Variants in GTF3C3 observed in about 807,000 individuals in gnomAD.
The protein encoded by GTF3C3 is general transcription factor IIIC subunit 3.
GTF3C3 carries 75 observed loss-of-function variants against 105.2 expected under a neutral mutation model. The observed-to-expected ratio is 0.71, with a 90% CI of 0.59 to 0.86. The LOEUF (loss-of-function observed/expected upper bound fraction) is 0.86, where lower values mean the gene tolerates loss of function less well. Ranked by LOEUF, GTF3C3 falls within the 40% of genes least tolerant of loss-of-function variation. The pLI is 0.00. For missense variants in GTF3C3, 856 were observed against 1,076.5 expected (o/e 0.80, Z 2.87); for synonymous variants, 335 against 370.4 (o/e 0.90, Z 1.10).
intron 2 of GTF3C3, among the ~76,000 whole-genome samples, chr2:196,796,534 C>T (rs1427672396): frequency 1.3e-5 from 2 of 152,184 alleles, no homozygotes; most frequent in Non-Finnish European, 2.9e-5. Flanking sequence ...TTCAGGAGTA[C>T]ATGTGCAGGA....
Position 196,789,368 on chromosome 2 carries a change from A to G in GTF3C3, c.729T>C (p.Ala243=). The G allele has an allele frequency of 1.9e-6, 3 of 1,578,570 alleles. No homozygotes were observed. The highest frequency in any genetic ancestry group is 2.6e-6 in the Non-Finnish European group (3 of 1,162,342). The change falls in exon 6 of 18, where the codon GCT becomes GCC. Residue 243 remains alanine, a splice_region_variant and synonymous_variant. Coordinates refer to ENST00000263956, the MANE Select transcript of GTF3C3 (RefSeq NM_012086.5). ...GGACATTAGTAGGTTCATATTTAAG[A>G]GCTAAAAAGAAAGAAATACAAATTA... ...IKQAIFCYTK[A]LKYEPTNVRY...
rs769914255 is a variant in GTF3C3, at chr2:196,781,342, G to GAAAAAAAAAAAAAAAAAAAAAAAA, written c.1115-681_1115-680insTTTTTTTTTTTTTTTTTTTTTTTT. Among the ~76,000 whole-genome samples the GAAAAAAAAAAAAAAAAAAAAAAAA allele has an allele frequency of 1.3e-4, 4 of 31,454 alleles. 1 individual carries two copies. Among genetic ancestry groups the GAAAAAAAAAAAAAAAAAAAAAAAA allele is most frequent in the African/African-American group, 2.4e-4 (2 of 8,348 alleles). 20.6% of individuals were successfully genotyped at this position (31,454 alleles called of 152,430 possible). ...AACTGCAGATCAAAAATGTTAAGGG[G>GAAAAAAAAAAAAAAAAAAAAAAAA]AAAAAAAAAAAAAAAATATATATAT... On this transcript the variant is annotated intron_variant, in intron 8 of 17. Transcript: ENST00000263956.
chr2:196,767,858 A>C (rs1699095427), intron 16 of GTF3C3, among the ~76,000 whole-genome samples: 1 of 152,270 alleles, frequency 6.6e-6, no homozygotes, highest in Non-Finnish European at 1.5e-5. Flanking sequence ...ACAATAATGG[A>C]ATAACTTGCT....
intron 2 of GTF3C3, among the ~76,000 whole-genome samples, chr2:196,795,040 T>C (rs1699617304): frequency 6.7e-6 from 1 of 148,914 alleles, no homozygotes; most frequent in East Asian, 2.0e-4. Flanking sequence ...TTTTTTTGTT[T>C]TGTTTTGTTT....
intron 8 of GTF3C3, among the ~76,000 whole-genome samples, chr2:196,781,353 A>ATATAT (rs1376220822): frequency 1.5e-3 from 35 of 23,120 alleles, no homozygotes; most frequent in South Asian, 3.4e-3. Context: ...AAAAAAAAAA[A>ATATAT]AAAAATATAT....
At chr2:196,777,801 G>T (rs1219319363) in intron 10 of GTF3C3, 1 of 152,068 alleles carries the variant, frequency 6.6e-6, no homozygotes, top group Non-Finnish European at 1.5e-5. Flanking sequence ...GGCTCAAAAT[G>T]GAAACAGCAT....
intron 2 of GTF3C3, among the ~76,000 whole-genome samples, chr2:196,794,748 T>G (rs558733523): frequency 6.0e-4 from 89 of 148,320 alleles, no homozygotes; most frequent in Non-Finnish European, 1.1e-3. Context: ...AACTCTTTTT[T>G]TTTTGAGAGG....
chr2:196,795,008 C>G (rs192233400), intron 2 of GTF3C3, among the ~76,000 whole-genome samples: 6 of 151,900 alleles, frequency 3.9e-5, no homozygotes, highest in Non-Finnish European at 8.8e-5. Context: ...GGATTACATG[C>G]GTAAGCTATC....
intron 6 of GTF3C3, among the ~76,000 whole-genome samples, chr2:196,787,135 G>A (rs1233212227): frequency 2.0e-5 from 3 of 148,920 alleles, no homozygotes; most frequent in Admixed American, 1.3e-4. Context: ...AGAAAATCTT[G>A]AGAGCTCAGC....
In GTF3C3 at chr2:196,764,425, T is replaced by C; in HGVS notation, c.*138A>G. ...TATACCACAAGATCATTATCACATA[T>C]TAAAAATAAATACACTGTTTGTTAG... On this transcript the variant is annotated 3_prime_UTR_variant, in exon 18 of 18. Coordinates refer to ENST00000263956, the MANE Select transcript of GTF3C3 (RefSeq NM_012086.5). The C allele has an allele frequency of 1.3e-6, 1 of 783,856 alleles. No homozygotes were observed. Among genetic ancestry groups the C allele is most frequent in the Non-Finnish European group, 1.9e-6 (1 of 521,108 alleles). 48.6% of individuals were successfully genotyped at this position (783,856 alleles called of 1,614,324 possible).
chr2:196,770,015 G>A lies in GTF3C3; in HGVS notation c.2285C>T (p.Thr762Ile), dbSNP rs368867791. ...GCTATAGAGAGGTTCGTCAGGGTGA[G>A]TGCGAAAGGCTTGCACATACTGTCC... ...ALGQYVQAFR[T>I]HPDEPLYSFC... is the part of the protein sequence containing the mutation. Residue 762 changes from threonine (T) to isoleucine (I), a missense_variant, in exon 16 of 18, where the codon ACT (threonine) becomes ATT (isoleucine). Thr to Ile is a moderately conservative substitution (Grantham distance 89). Around this residue, in one of 3 missense-constraint regions of GTF3C3, gnomAD observed 605 missense variants for 833.6 expected, o/e 0.73. Coordinates refer to ENST00000263956, the MANE Select transcript of GTF3C3 (RefSeq NM_012086.5). 6 of 1,567,670 alleles carry A rather than the reference G, an allele frequency of 3.8e-6. No individual in the cohort carries two copies. Among genetic ancestry groups the A allele is most frequent in the Non-Finnish European group, 5.2e-6 (6 of 1,163,350 alleles).
At chr2:196,784,760 C>T in intron 8 of GTF3C3, 97 bp downstream of exon 8, 1 of 1,372,436 alleles carries the variant, frequency 7.3e-7, no homozygotes. Flanking sequence ...CATTAACTAT[C>T]AACTCACCAC....
At position 196,793,096 on chromosome 2, in the gene GTF3C3, C is replaced by G. The variant is rs1267181063; in HGVS notation, c.271G>C (p.Gly91Arg). The change falls in exon 3 of 18, where the codon GGA becomes CGA. Residue 91 changes from glycine to arginine, a missense_variant. Coordinates refer to ENST00000263956, the MANE Select transcript of GTF3C3 (RefSeq NM_012086.5). The part of the protein sequence containing the change: ...SVHKVFASML[G>R]ENEDDEEEEE... ...TCCTCCTCATCATCTTCATTCTCTCCAAGCATGGAAGCAAAGACCTTGTGA... is the reference window on the plus strand; with the variant it reads ...TCCTCCTCATCATCTTCATTCTCTCGAAGCATGGAAGCAAAGACCTTGTGA... 6.2e-7 allele frequency: 1 copy of G among 1,613,886 alleles called. No homozygotes were observed. The highest frequency in any genetic ancestry group is 1.7e-5 in the Admixed American group (1 of 60,020).
intron 14 of GTF3C3, 47 bp from the exon 15 acceptor site, chr2:196,771,985 T>G: frequency 7.5e-7 from 1 of 1,333,752 alleles, no homozygotes; most frequent in Non-Finnish European, 1.1e-6. Context: ...GTAAAAATCT[T>G]CCTGATTTCT....
chr2:196,766,010 CAAA>C (rs11424716), intron 17 of GTF3C3, among the ~76,000 whole-genome samples: 16 of 87,130 alleles, frequency 1.8e-4, no homozygotes, highest in South Asian at 3.9e-4. Context: ...ACTCTGTCTC[CAAA>C]AAAAAAAAAA....
At position 196,799,669 on chromosome 2, in the gene GTF3C3, C is replaced by G; in HGVS notation, c.-58G>C. The G allele has an allele frequency of 2.4e-6, 3 of 1,276,082 alleles. No individual in the cohort carries two copies. The highest frequency in any genetic ancestry group is 3.4e-6 in the Non-Finnish European group (3 of 875,932). 79.0% of individuals were successfully genotyped at this position (1,276,082 alleles called of 1,614,324 possible). On this transcript the variant is annotated 5_prime_UTR_variant, in exon 1 of 18. Transcript: ENST00000263956. Reference sequence around the variant, plus strand: ...CCGGGACAGAGAACCGGAAGAGCAGCGCCTTCCAGAAGCTACCTCGCCGGG... The same window carrying G: ...CCGGGACAGAGAACCGGAAGAGCAGGGCCTTCCAGAAGCTACCTCGCCGGG...
rs796774401 is a variant in GTF3C3, at chr2:196,786,114, T to A, written c.894-526A>T. Among the ~76,000 whole-genome samples the A allele has an allele frequency of 1.3e-5, 2 of 152,172 alleles. No individual in the cohort carries two copies. Among genetic ancestry groups the A allele is most frequent in the African/African-American group, 4.8e-5 (2 of 41,438 alleles). On this transcript the variant is annotated intron_variant, in intron 6 of 17. Transcript: ENST00000263956. The surrounding 1 kb of genome is among the most constrained non-coding windows in gnomAD (Gnocchi z 4.2). ...GTTGACTGGTCTCACTCTAAACTGA[T>A]GACCAATAGCCTCAAGCAGGTCCAT...
At chr2:196,771,521 C>T (rs538151276) in intron 15 of GTF3C3, among the ~76,000 whole-genome samples, 1 of 152,100 alleles carries the variant, frequency 6.6e-6, no homozygotes, top group South Asian at 2.1e-4. Flanking sequence ...ACTATATGTG[C>T]CAGGCACTGT....
At chr2:196,774,188 A>G (rs1335739529) in intron 13 of GTF3C3, among the ~76,000 whole-genome samples, 2 of 152,204 alleles carry the variant, frequency 1.3e-5, no homozygotes, top group Admixed American at 6.5e-5. Context: ...CTTTGATCCA[A>G]TAATTTTCCT....
Sources: allele counts gnomAD v4.1 joint callset (sites outside exome capture counted in the v4.1 genomes callset), GRCh38; gene constraint gnomAD v4.1.1; regional missense constraint gnomAD v4.1.1; non-coding constraint Gnocchi (gnomAD v3.1); transcripts MANE v1.5; gene names NCBI Gene and HGNC (gene_info 2026-07-23, HGNC 2026-07-21).